Variants in KCTD8 observed in about 807,000 individuals in gnomAD.
KCTD8 encodes the protein potassium channel tetramerization domain containing 8.
Under a neutral mutation model 31.5 loss-of-function variants are expected in KCTD8, and 27 were observed. The observed-to-expected ratio is 0.86, with a 90% CI of 0.63 to 1.18. The LOEUF is 1.18. Among genes scored for constraint, KCTD8 ranks in the 50% most tolerant of loss-of-function variants. The pLI is 0.00. For missense variants in KCTD8, 658 were observed against 647.7 expected, an observed-to-expected ratio of 1.02 and a Z score of -0.17; for synonymous variants, 290 against 280.0, an observed-to-expected ratio of 1.04 and a Z score of -0.36.
At chr4:44,394,507 T>C (rs1409338033) in intron 1 of KCTD8, among the ~76,000 whole-genome samples, 1 of 152,136 alleles carries the variant, frequency 6.6e-6, no homozygotes, top group Non-Finnish European at 1.5e-5. Flanking sequence ...ATTCCCATAT[T>C]ATCATATTTA....
chr4:44,181,295 A>C (rs1181633697), intron 1 of KCTD8, among the ~76,000 whole-genome samples: 1 of 150,766 alleles, frequency 6.6e-6, no homozygotes. Context: ...TCTGATGCCG[A>C]GCCGAGGCTG....
intron 1 of KCTD8, among the ~76,000 whole-genome samples, chr4:44,227,571 G>A (rs1715002394): frequency 6.6e-6 from 1 of 152,154 alleles, no homozygotes; most frequent in Admixed American, 6.5e-5. Flanking sequence ...TGCATTTGGT[G>A]AAACCCACCT....
intron 1 of KCTD8, among the ~76,000 whole-genome samples, chr4:44,445,050 G>A (rs1044253565): frequency 6.6e-6 from 1 of 152,146 alleles, no homozygotes; most frequent in Non-Finnish European, 1.5e-5. Context: ...TTGCTCTTAT[G>A]AGTAACACCG....
chr4:44,427,216 C>T (rs890298140), intron 1 of KCTD8, among the ~76,000 whole-genome samples: 1 of 151,274 alleles, frequency 6.6e-6, no homozygotes, highest in Non-Finnish European at 1.5e-5. Flanking sequence ...TTAAATATTA[C>T]ATTTAAGGGA....
At chr4:44,405,297 C>A (rs557364288) in intron 1 of KCTD8, among the ~76,000 whole-genome samples, 1 of 152,096 alleles carries the variant, frequency 6.6e-6, no homozygotes. Flanking sequence ...CTCGCTCTGT[C>A]GCCAGGCTGG....
chr4:44,195,187 C>CT (rs34829084), intron 1 of KCTD8, among the ~76,000 whole-genome samples: 5,742 of 147,682 alleles, frequency 0.039, 163 homozygotes, highest in Non-Finnish European at 0.05. Flanking sequence ...TAAATACATA[C>CT]TTTTTTTTTT....
At chr4:44,235,577 TTAGAGAGAGAG>T (rs1560402149) in intron 1 of KCTD8, among the ~76,000 whole-genome samples, 1 of 38,920 alleles carries the variant, frequency 2.6e-5, no homozygotes, top group Non-Finnish European at 5.0e-5. Context: ...ATATATATAT[TTAGAGAGAGAG>T]AGAGAGAGAG....
chr4:44,397,722 AT>A (rs1439095221), intron 1 of KCTD8, among the ~76,000 whole-genome samples: 2 of 152,200 alleles, frequency 1.3e-5, no homozygotes, highest in African/African-American at 2.4e-5. Context: ...TTACAAAAAA[AT>A]GAAGTAATTC....
intron 1 of KCTD8, among the ~76,000 whole-genome samples, chr4:44,271,684 G>A (rs1247008375): frequency 6.6e-6 from 1 of 152,170 alleles, no homozygotes; most frequent in Non-Finnish European, 1.5e-5. Flanking sequence ...TGAGCGATCT[G>A]TGCCTTAAGG....
intron 1 of KCTD8, among the ~76,000 whole-genome samples, chr4:44,256,000 T>C (rs759412262): frequency 2.6e-5 from 4 of 152,052 alleles, no homozygotes; most frequent in Admixed American, 6.6e-5. Context: ...CAGTTCCACA[T>C]GGCTGGGGAG....
chr4:44,234,707 T>C (rs1715224293), intron 1 of KCTD8, among the ~76,000 whole-genome samples: 1 of 152,150 alleles, frequency 6.6e-6, no homozygotes, highest in African/African-American at 2.4e-5. Flanking sequence ...AATGAACATG[T>C]AAGAGGCCTC....
At position 44,387,732 on chromosome 4, in the gene KCTD8, A is replaced by G. The variant is rs1207281804; in HGVS notation, c.961+59831T>C. Among the ~76,000 whole-genome samples the G allele has an allele frequency of 4.6e-5, 7 of 152,074 alleles. No homozygotes were observed. In the East Asian group the frequency reaches 1.4e-3, roughly 29 times the overall value. On this transcript the variant is annotated intron_variant, in intron 1 of 1. Transcript: ENST00000360029. Reference sequence around the variant, plus strand: ...AAAATTAACTCAAGATGGATCAAATACTTAAATGTAAAACCCAAAACTATA... The same window carrying G: ...AAAATTAACTCAAGATGGATCAAATGCTTAAATGTAAAACCCAAAACTATA...
At chr4:44,208,508 C>T (rs1197021884) in intron 1 of KCTD8, among the ~76,000 whole-genome samples, 1 of 152,084 alleles carries the variant, frequency 6.6e-6, no homozygotes, top group South Asian at 2.1e-4. Context: ...TATCAGGTGA[C>T]AAGATAGAAT....
At chr4:44,271,335 T>C (rs1483125444) in intron 1 of KCTD8, among the ~76,000 whole-genome samples, 2 of 152,136 alleles carry the variant, frequency 1.3e-5, no homozygotes, top group Non-Finnish European at 2.9e-5. Context: ...ATATATTGAG[T>C]ATGCCAGATA....
intron 1 of KCTD8, among the ~76,000 whole-genome samples, chr4:44,372,148 C>G (rs1243469504): frequency 1.3e-5 from 2 of 152,170 alleles, no homozygotes; most frequent in African/African-American, 4.8e-5. Flanking sequence ...CAGTGTGTCA[C>G]TCACTCTATC....
chr4:44,212,869 T>C (rs1175542557), intron 1 of KCTD8, among the ~76,000 whole-genome samples: 1 of 152,272 alleles, frequency 6.6e-6, no homozygotes, highest in African/African-American at 2.4e-5. Context: ...CAACATCTCA[T>C]CTTTTCATTT....
intron 1 of KCTD8, among the ~76,000 whole-genome samples, chr4:44,182,591 A>T: frequency 6.6e-6 from 1 of 152,134 alleles, no homozygotes. Flanking sequence ...TGAAGGCAGC[A>T]TGCTCGTTAA....
At chr4:44,384,323 A>G (rs937824838) in intron 1 of KCTD8, among the ~76,000 whole-genome samples, 1 of 151,888 alleles carries the variant, frequency 6.6e-6, no homozygotes, top group Non-Finnish European at 1.5e-5. Context: ...GTGTGTATTC[A>G]GTATGCCTGA....
At chr4:44,251,968 G>A (rs1367519544) in intron 1 of KCTD8, among the ~76,000 whole-genome samples, 1 of 151,574 alleles carries the variant, frequency 6.6e-6, no homozygotes, top group Non-Finnish European at 1.5e-5. Context: ...CGTCACCCAA[G>A]CAGTGTACAC....
Sources: gnomAD v4.1 joint callset for allele counts (sites outside exome capture counted in the v4.1 genomes callset) on GRCh38, gnomAD v4.1.1 for gene constraint, MANE v1.5 for transcripts, NCBI Gene and HGNC (gene_info 2026-07-23, HGNC 2026-07-21) for gene names.